The following CEP83 variants were observed in gnomAD, a reference collection of about 807,000 sequenced individuals.
CEP83 encodes centrosomal protein 83.
In CEP83, 70 loss-of-function variants were observed where a neutral mutation model predicts 101.9. The observed-to-expected ratio is 0.69, with a 90% CI of 0.57 to 0.84. The LOEUF (loss-of-function observed/expected upper bound fraction) is 0.84. CEP83 is among the 40% of genes least tolerant of loss of function. The pLI is 0.00. For missense variants in CEP83, 715 were observed against 787.2 expected (o/e 0.91, Z 1.10); for synonymous variants, 264 against 267.9 (o/e 0.99, Z 0.14).
intron 2 of CEP83, among the ~76,000 whole-genome samples, chr12:94,429,430 C>T (rs987102849): frequency 6.6e-6 from 1 of 152,234 alleles, no homozygotes; most frequent in African/African-American, 2.4e-5. Context: ...AACCTCTCCA[C>T]TCCCCATCCC....
At chr12:94,409,746 G>C (rs2137745258) in intron 4 of CEP83, among the ~76,000 whole-genome samples, 1 of 152,176 alleles carries the variant, frequency 6.6e-6, no homozygotes, top group Non-Finnish European at 1.5e-5. Flanking sequence ...AAATCTGCAG[G>C]GAAGAAACTT....
the CEP83 span, chr12:94,297,364 C>G: frequency 6.2e-7 from 1 of 1,613,878 alleles, no homozygotes; most frequent in South Asian, 1.1e-5. Flanking sequence ...AAAGAGACAT[C>G]GAGGGAAGCA....
In CEP83 at chr12:94,425,061, G is replaced by A; in HGVS notation, c.-102+10214C>T. The A allele has an allele frequency of 5.2e-6, 3 of 581,434 alleles. 1 individual carries two copies. The highest frequency in any genetic ancestry group is 8.1e-6 in the Non-Finnish European group (3 of 371,618). 36.0% of individuals were successfully genotyped at this position (581,434 alleles called of 1,614,324 possible). ...GGGGAGGGAGGGAGGAGGGGATCGA[G>A]GGAAAGGGGGAGAGGGAGGGAGGAA... On this transcript the variant is annotated intron_variant, in intron 2 of 16. Coordinates refer to ENST00000397809, the MANE Select transcript of CEP83 (RefSeq NM_016122.3).
intron 1 of CEP83, among the ~76,000 whole-genome samples, chr12:94,456,090 G>A (rs922267398): frequency 6.6e-6 from 1 of 151,682 alleles, no homozygotes; most frequent in African/African-American, 2.4e-5. Flanking sequence ...AGACTTGACA[G>A]TCAGTGATCT....
intron 1 of CEP83, among the ~76,000 whole-genome samples, chr12:94,444,866 T>G (rs1262866650): frequency 6.6e-6 from 1 of 152,152 alleles, no homozygotes; most frequent in Non-Finnish European, 1.5e-5. Context: ...CAGGTTACAA[T>G]AGCAAGAAAT....
chr12:94,403,340 A>AAAGT, intron 4 of CEP83, 78 bp from the exon 5 acceptor site: 1 of 665,286 alleles, frequency 1.5e-6, no homozygotes, highest in Non-Finnish European at 2.6e-6. Flanking sequence ...CCTCTCTCCT[A>AAAGT]ATTATGACAA....
chr12:94,332,091 A>G (rs1319084700), intron 13 of CEP83, among the ~76,000 whole-genome samples: 1 of 152,196 alleles, frequency 6.6e-6, no homozygotes, highest in East Asian at 1.9e-4. Context: ...ACTTCTGTCC[A>G]TTTTATAAAT....
At position 94,459,849 on chromosome 12, in the gene CEP83, G is replaced by C. The variant is rs1391724398; in HGVS notation, c.-447C>G. 6.5e-6 allele frequency: 1 copy of C among 153,486 alleles called. No individual in the cohort carries two copies. Among genetic ancestry groups the C allele is most frequent in the Non-Finnish European group, 1.5e-5 (1 of 68,920 alleles). The allele number at this position is 153,486 out of a possible 1,614,324, so 9.5% of individuals were successfully genotyped here. A position where few individuals can be genotyped will look rare whatever the true frequency, so the allele number is the denominator to read the frequency against. On this transcript the variant is annotated 5_prime_UTR_variant, in exon 1 of 17. Coordinates refer to ENST00000397809, the MANE Select transcript of CEP83 (RefSeq NM_016122.3). ...GTGAAAAGCCCCACTCCTCCGCGTG[G>C]ACCGGGATCCTCAGGGGTGCGGCGC...
At chr12:94,284,685 G>A in the CEP83 span, among the ~76,000 whole-genome samples, 1 of 152,082 alleles carries the variant, frequency 6.6e-6, no homozygotes, top group East Asian at 1.9e-4. Context: ...GGCAGGGCCA[G>A]ATTCGGACCT....
chr12:94,291,198 T>C, the CEP83 span, among the ~76,000 whole-genome samples: 2 of 152,242 alleles, frequency 1.3e-5, no homozygotes, highest in Non-Finnish European at 2.9e-5. Context: ...CTTTGTCAAA[T>C]GTATACATTT....
chr12:94,373,848 T>C (rs1252257855), intron 8 of CEP83, among the ~76,000 whole-genome samples: 1 of 152,186 alleles, frequency 6.6e-6, no homozygotes, highest in Non-Finnish European at 1.5e-5. Flanking sequence ...TTGCAAAATG[T>C]TGATGAAAAC....
At chr12:94,446,584 T>C (rs2066821907) in intron 1 of CEP83, among the ~76,000 whole-genome samples, 1 of 152,054 alleles carries the variant, frequency 6.6e-6, no homozygotes, top group Admixed American at 6.6e-5. Flanking sequence ...GGTGCGCACC[T>C]ATAGTCCCAG....
In CEP83 at chr12:94,378,782, G is replaced by T. The variant is rs1347740712; in HGVS notation, c.801+9C>A. ...GCCATACTCTACTGGGAAGTAATTAGAATCTTACCTCCAGGGATCTGACTG... is the reference window on the plus strand; with the variant it reads ...GCCATACTCTACTGGGAAGTAATTATAATCTTACCTCCAGGGATCTGACTG... On this transcript the variant is annotated intron_variant, in intron 7 of 16. Transcript: ENST00000397809. 1 of 1,613,522 alleles carries T rather than the reference G, an allele frequency of 6.2e-7. No individual in the cohort carries two copies. Among genetic ancestry groups the T allele is most frequent in the Admixed American group, 1.7e-5 (1 of 59,942 alleles).
Position 94,308,709 on chromosome 12 carries a change from G to T in CEP83, c.*104C>A. 1 of 734,840 alleles carries T rather than the reference G, an allele frequency of 1.4e-6. No individual in the cohort carries two copies. The highest frequency in any genetic ancestry group is 2.4e-6 in the Non-Finnish European group (1 of 417,360). The allele number at this position is 734,840 out of a possible 1,614,324, so 45.5% of individuals were successfully genotyped here. ...ACCTTTTCTTGAGGCACATTCAAGTGTTTTGGCAAACAGTAAAAAGTATCT... is the reference window on the plus strand; with the variant it reads ...ACCTTTTCTTGAGGCACATTCAAGTTTTTTGGCAAACAGTAAAAAGTATCT... On this transcript the variant is annotated 3_prime_UTR_variant, in exon 17 of 17. Transcript: ENST00000397809.
chr12:94,266,322 T>G, the CEP83 span, among the ~76,000 whole-genome samples: 1 of 152,226 alleles, frequency 6.6e-6, no homozygotes, highest in African/African-American at 2.4e-5. Flanking sequence ...CATGCACAGC[T>G]GCCATCCGAG....
intron 14 of CEP83, among the ~76,000 whole-genome samples, chr12:94,329,995 G>C (rs1045691427): frequency 1.3e-5 from 2 of 152,310 alleles, no homozygotes; most frequent in African/African-American, 4.8e-5. Context: ...CCAACCATCA[G>C]CAACATTTGG....
the CEP83 span, among the ~76,000 whole-genome samples, chr12:94,287,831 A>G: frequency 1.3e-5 from 2 of 152,218 alleles, no homozygotes; most frequent in African/African-American, 4.8e-5. Flanking sequence ...ACAAACACGT[A>G]TAATGCTTCT....
intron 2 of CEP83, among the ~76,000 whole-genome samples, chr12:94,430,242 A>G (rs1250918039): frequency 2.6e-5 from 4 of 152,190 alleles, no homozygotes; most frequent in Non-Finnish European, 4.4e-5. Flanking sequence ...CCAAAGGAAC[A>G]TAATAATTCT....
intron 2 of CEP83, chr12:94,424,263 G>A (rs953230187): frequency 8.4e-5 from 135 of 1,614,080 alleles, no homozygotes; most frequent in Admixed American, 3.5e-4. Flanking sequence ...GGCCAAGCCC[G>A]TCCATTTTGC....
Sources: allele counts gnomAD v4.1 joint callset (sites outside exome capture counted in the v4.1 genomes callset), GRCh38; gene constraint gnomAD v4.1.1; transcripts MANE v1.5; gene names NCBI Gene and HGNC (gene_info 2026-07-23, HGNC 2026-07-21).